IMPACT: variants seen among roughly 807,000 people sequenced by gnomAD.
IMPACT encodes the protein protein IMPACT.
IMPACT carries 35 observed loss-of-function variants against 47.5 expected under a neutral mutation model. The ratio of observed to expected loss-of-function variants is 0.74; its 90% CI spans 0.56 to 0.98. The LOEUF is 0.98. IMPACT is among the 50% of genes least tolerant of loss of function. IMPACT has a pLI of 0.00. For missense variants in IMPACT, 373 were observed against 394.8 expected (o/e 0.94, Z 0.47); for synonymous variants, 118 against 125.6 (o/e 0.94, Z 0.40).
chr18:24,438,940 A>G (rs1909019888), intron 5 of IMPACT, among the ~76,000 whole-genome samples: 1 of 152,210 alleles, frequency 6.6e-6, no homozygotes, highest in South Asian at 2.1e-4. Flanking sequence ...AGAGAGAAAT[A>G]TATTTTAAGA....
Position 24,449,880 on chromosome 18 carries a change from G to A in IMPACT, c.821G>A (p.Gly274Glu), listed in dbSNP as rs1312294258. Residue 274 changes from glycine to glutamate, a missense_variant, in exon 10 of 11, where the codon GGA (glycine) becomes GAA (glutamate). By Grantham distance (98) the Gly-to-Glu change is moderately conservative. Coordinates refer to ENST00000284202, the MANE Select transcript of IMPACT (RefSeq NM_018439.4). ...CGCTGGTATGGAGGGATTCTGCTAG[G>A]ACCAGATCGCTTTAAACATATCAAC... ...VSRWYGGILLGPDRFKHINNC... is the reference protein window; with the variant it reads ...VSRWYGGILLEPDRFKHINNC... 6.2e-7 allele frequency: 1 copy of A among 1,613,212 alleles called. No homozygotes were observed. Among genetic ancestry groups the A allele is most frequent in the Admixed American group, 1.7e-5 (1 of 60,008 alleles).
chr18:24,430,458 C>T, intron 4 of IMPACT, 74 bp downstream of exon 4: 1 of 1,042,422 alleles, frequency 9.6e-7, no homozygotes. Flanking sequence ...CCTGTGAACC[C>T]TTTGTTAGAA....
rs576768951 is a variant in IMPACT, at chr18:24,440,595, T to G, written c.467T>G (p.Phe156Cys). 1.2e-6 allele frequency: 2 copies of G among 1,613,108 alleles called. No individual in the cohort carries two copies. Among genetic ancestry groups the G allele is most frequent in the South Asian group, 2.2e-5 (2 of 90,884 alleles). Residue 156 changes from phenylalanine (F) to cysteine (C), a missense_variant, in exon 6 of 11, where the codon TTT (phenylalanine) becomes TGT (cysteine). Physicochemically the swap from Phe to Cys is radical, Grantham distance 205 (BLOSUM62 -2). Coordinates refer to ENST00000284202, the MANE Select transcript of IMPACT (RefSeq NM_018439.4). ...QPESSLKALD[F>C]DISETRTEVE... is the part of the protein sequence containing the mutation. ...GAAAGTTCGCTTAAAGCATTGGATT[T>G]TGATATCAGTGAAACTCGGACAGGT... is the stretch of plus-strand genomic sequence containing the variant.
intron 8 of IMPACT, among the ~76,000 whole-genome samples, chr18:24,447,465 T>C (rs1909275710): frequency 6.6e-6 from 1 of 152,174 alleles, no homozygotes; most frequent in East Asian, 1.9e-4. Context: ...ATTTCAGATA[T>C]AGCTTTCTAG....
chr18:24,428,737 C>A (rs970307554), intron 2 of IMPACT, 132 bp from the exon 3 acceptor site: 1 of 606,900 alleles, frequency 1.6e-6, no homozygotes. Context: ...GGTATAATGT[C>A]CATATTTCAG....
At position 24,445,492 on chromosome 18, in the gene IMPACT, A is replaced by G. The variant is rs1003506244; in HGVS notation, c.668+26A>G. On this transcript the variant is annotated intron_variant, in intron 8 of 10. Transcript: ENST00000284202. ...GTGAGTAATCATCACAAGCTTTAGT[A>G]TACTCAGTTTGTTAAAAATAGAGGG... 3.6e-6 allele frequency: 5 copies of G among 1,383,994 alleles called. No homozygotes were observed. In the East Asian group the frequency reaches 9.4e-5, roughly 26 times the overall value. The allele number at this position is 1,383,994 out of a possible 1,614,324, so 85.7% of individuals were successfully genotyped here.
chr18:24,450,776 C>T lies in IMPACT; in HGVS notation c.895-3C>T, dbSNP rs756121744. ...ATGCTGCACTGATTTGTGTCTTTTT[C>T]AGGAGGAGTCATCTAAGGCTTTGGG... On this transcript the variant is annotated splice_region_variant and splice_polypyrimidine_tract_variant and intron_variant, in intron 10 of 10. Transcript: ENST00000284202. The T allele has an allele frequency of 1.2e-6, 2 of 1,602,776 alleles. No homozygotes were observed. Among genetic ancestry groups the T allele is most frequent in the Non-Finnish European group, 8.5e-7 (1 of 1,171,224 alleles).
intron 8 of IMPACT, 47 bp from the exon 9 acceptor site, chr18:24,448,046 T>C: frequency 9.3e-7 from 1 of 1,080,218 alleles, no homozygotes; most frequent in South Asian, 1.4e-5. Flanking sequence ...TAAGTTTTAT[T>C]ATAATATTTT....
intron 4 of IMPACT, among the ~76,000 whole-genome samples, chr18:24,433,184 CTTTTTTTTTT>C (rs35543338): frequency 3.7e-5 from 3 of 81,112 alleles, no homozygotes; most frequent in South Asian, 5.2e-4. Context: ...ACTTTTAAAA[CTTTTTTTTTT>C]TTTTTTTTTT....
chr18:24,430,802 C>G (rs1908735738), intron 4 of IMPACT, among the ~76,000 whole-genome samples: 1 of 152,096 alleles, frequency 6.6e-6, no homozygotes, highest in Admixed American at 6.5e-5. Context: ...AACACTTAGC[C>G]AACTTGTCAA....
intron 4 of IMPACT, among the ~76,000 whole-genome samples, chr18:24,436,825 A>G (rs1599763602): frequency 6.6e-6 from 1 of 152,222 alleles, no homozygotes; most frequent in East Asian, 1.9e-4. Flanking sequence ...TGTTTTGATT[A>G]CACCACGCCC....
intron 4 of IMPACT, among the ~76,000 whole-genome samples, chr18:24,436,287 C>T (rs1908939791): frequency 6.6e-6 from 1 of 152,056 alleles, no homozygotes; most frequent in Non-Finnish European, 1.5e-5. Flanking sequence ...CTGTGTCGCC[C>T]AGGCTGGAGT....
Position 24,430,341 on chromosome 18 carries a change from C to T in IMPACT, c.238C>T (p.Gln80Ter). ...YQLNAPWLKGQERADLSNSLE... is the reference protein window; with the variant it reads ...YQLNAPWLKG ...TCTTAGTGCTCCTTGGCTTAAAGGG[C>T]AAGAACGTGCGGATTTATCAAATAG... Residue 80 changes from glutamine to a stop codon, truncating the protein, a stop_gained, in exon 4 of 11, where the codon CAA (glutamine) becomes TAA (stop). Coordinates refer to ENST00000284202, the MANE Select transcript of IMPACT (RefSeq NM_018439.4). LOFTEE classifies it high-confidence loss of function. The T allele has an allele frequency of 6.3e-7, 1 of 1,597,398 alleles. No individual in the cohort carries two copies. The highest frequency in any genetic ancestry group is 1.1e-5 in the South Asian group (1 of 87,588).
intron 7 of IMPACT, among the ~76,000 whole-genome samples, chr18:24,443,676 T>C (rs1909175223): frequency 6.6e-6 from 1 of 152,214 alleles, no homozygotes; most frequent in Non-Finnish European, 1.5e-5. Context: ...AAGGGGACAG[T>C]GGACAGACTG....
intron 4 of IMPACT, among the ~76,000 whole-genome samples, chr18:24,431,178 A>C (rs1004098316): frequency 2.6e-5 from 4 of 152,220 alleles, no homozygotes; most frequent in Non-Finnish European, 4.4e-5. Context: ...AAGATATGCA[A>C]AACTAATTGA....
At chr18:24,448,731 T>C (rs1288072561) in intron 9 of IMPACT, among the ~76,000 whole-genome samples, 3 of 152,122 alleles carry the variant, frequency 2.0e-5, no homozygotes, top group South Asian at 2.1e-4. Context: ...ATGGCTCCAA[T>C]ATCTTCTAAA....
At chr18:24,446,216 A>C (rs146016055) in intron 8 of IMPACT, among the ~76,000 whole-genome samples, 2,229 of 152,096 alleles carry the variant, frequency 0.015, 33 homozygotes, top group Non-Finnish European at 0.021. Flanking sequence ...GGTGCGAGCC[A>C]CCATGCCCGG....
chr18:24,426,969 C>G (rs1908625158), intron 1 of IMPACT, 177 bp downstream of exon 1: 1 of 437,418 alleles, frequency 2.3e-6, no homozygotes, highest in South Asian at 1.2e-4. Context: ...GCCGAGCGCT[C>G]TTAGGCCGGC....
rs1253129030 is a variant in IMPACT at position 24,451,221 on chromosome 18, C to T, written c.*374C>T. The T allele has an allele frequency of 1.9e-5, 3 of 157,802 alleles. No individual in the cohort carries two copies. The highest frequency in any genetic ancestry group is 2.4e-5 in the African/African-American group (1 of 41,624). 9.8% of individuals were successfully genotyped at this position (157,802 alleles called of 1,614,324 possible). On this transcript the variant is annotated 3_prime_UTR_variant, in exon 11 of 11. Transcript: ENST00000284202. ...ATATAAATACCTGATTTCTTGTCAT[C>T]GAGATTCTTGTACTGTTAAATGAAT...
Sources: allele counts gnomAD v4.1 joint callset (sites outside exome capture counted in the v4.1 genomes callset), GRCh38; gene constraint gnomAD v4.1.1; transcripts MANE v1.5; gene names NCBI Gene and HGNC (gene_info 2026-07-23, HGNC 2026-07-21).